The following PHF24 variants were observed in gnomAD, a reference collection of about 807,000 sequenced individuals.
PHF24 encodes the protein Galpha inhibitory interacting protein.
PHF24 carries 25 observed loss-of-function variants against 42.6 expected under a neutral mutation model. That is an observed-to-expected ratio of 0.59 (90% CI 0.43 to 0.82). The LOEUF (loss-of-function observed/expected upper bound fraction) is 0.82. Ranked by LOEUF, PHF24 falls within the 40% of genes least tolerant of loss-of-function variation. The probability of loss-of-function intolerance (pLI) is 0.00; values close to 1 mark genes in which losing one functional copy is unlikely to be tolerated. For missense variants in PHF24, 470 were observed against 538.1 expected (o/e 0.87, Z 1.25); for synonymous variants, 185 against 204.8 (o/e 0.90, Z 0.83).
chr9:34,806,512 G>T, the PHF24 span, among the ~76,000 whole-genome samples: 1 of 152,146 alleles, frequency 6.6e-6, no homozygotes, highest in Admixed American at 6.5e-5. Flanking sequence ...AGGCTGGAGT[G>T]CAGTGGCACG....
At chr9:34,972,953 C>T (rs1827056691) in intron 3 of PHF24, among the ~76,000 whole-genome samples, 1 of 145,706 alleles carries the variant, frequency 6.9e-6, no homozygotes, top group South Asian at 2.3e-4. Flanking sequence ...ATGGTACATA[C>T]AAGAGACCTA....
the PHF24 span, chr9:34,835,383 T>C: frequency 6.5e-7 from 1 of 1,550,370 alleles, no homozygotes; most frequent in Non-Finnish European, 8.7e-7. Context: ...AGCCCCCACC[T>C]CTGGAAATGC....
chr9:34,694,659 A>C, the PHF24 span, among the ~76,000 whole-genome samples: 29 of 151,794 alleles, frequency 1.9e-4, no homozygotes, highest in Middle Eastern at 6.8e-3. Flanking sequence ...AATACAGATG[A>C]GATTTCACCA....
chr9:34,915,675 C>A, the PHF24 span, among the ~76,000 whole-genome samples: 1 of 152,072 alleles, frequency 6.6e-6, no homozygotes. Flanking sequence ...AGGTAAGGAT[C>A]GTCTGGGATA....
chr9:34,687,232 T>C, the PHF24 span, among the ~76,000 whole-genome samples: 1 of 152,200 alleles, frequency 6.6e-6, no homozygotes, highest in South Asian at 2.1e-4. Context: ...GGCACTTCAC[T>C]AGCTCCTAGA....
At chr9:34,913,968 C>A in the PHF24 span, among the ~76,000 whole-genome samples, 1 of 152,114 alleles carries the variant, frequency 6.6e-6, no homozygotes, top group Admixed American at 6.5e-5. Context: ...ATACTTTCAA[C>A]CCCACTTTCA....
chr9:34,678,724 G>A, the PHF24 span, among the ~76,000 whole-genome samples: 231 of 151,994 alleles, frequency 1.5e-3, no homozygotes, highest in African/African-American at 5.2e-3. Context: ...TCCACCTCCC[G>A]GGTTCAGGCA....
chr9:34,699,250 T>G, the PHF24 span, among the ~76,000 whole-genome samples: 11 of 152,370 alleles, frequency 7.2e-5, no homozygotes, highest in East Asian at 2.1e-3. Flanking sequence ...TTCATGGAGA[T>G]GTTCTCTACA....
chr9:34,691,230 G>A, the PHF24 span: 1 of 1,116,184 alleles, frequency 9.0e-7, no homozygotes. Context: ...AGGGCGACTG[G>A]GATGCAGGGG....
At chr9:34,834,800 G>A in the PHF24 span, 16 of 1,542,864 alleles carry the variant, frequency 1.0e-5, no homozygotes, top group African/African-American at 1.5e-5. Context: ...ATGGTCAGAT[G>A]GAGACACCCA....
chr9:34,708,621 C>G, the PHF24 span, among the ~76,000 whole-genome samples: 1 of 152,166 alleles, frequency 6.6e-6, no homozygotes, highest in Non-Finnish European at 1.5e-5. Flanking sequence ...CTTGGAGGGT[C>G]TCATTGAATA....
At chr9:34,780,290 C>CTTTTCTTTTTTTTTTTTTT in the PHF24 span, among the ~76,000 whole-genome samples, 2 of 113,952 alleles carry the variant, frequency 1.8e-5, no homozygotes, top group Admixed American at 1.1e-4. Flanking sequence ...TCTTTTTTTT[C>CTTTTCTTTTTTTTTTTTTT]TTTTTTTCTT....
chr9:34,913,909 T>C, the PHF24 span, among the ~76,000 whole-genome samples: 5 of 152,058 alleles, frequency 3.3e-5, no homozygotes, highest in Admixed American at 2.6e-4. Context: ...GGAGAAGGAG[T>C]GTTAAAAGTT....
At chr9:34,696,081 A>G in the PHF24 span, among the ~76,000 whole-genome samples, 3 of 152,224 alleles carry the variant, frequency 2.0e-5, no homozygotes. Context: ...CTTACTTACT[A>G]TGGTCACAAA....
the PHF24 span, among the ~76,000 whole-genome samples, chr9:34,849,944 G>T: frequency 6.6e-6 from 1 of 152,132 alleles, no homozygotes; most frequent in Non-Finnish European, 1.5e-5. Flanking sequence ...CTCTCTTCTG[G>T]CTTGTAGAGT....
At chr9:34,700,212 G>A in the PHF24 span, among the ~76,000 whole-genome samples, 30 of 152,292 alleles carry the variant, frequency 2.0e-4, no homozygotes, top group South Asian at 2.1e-3. Flanking sequence ...TATATTCCGC[G>A]GAGTGAGATG....
the PHF24 span, among the ~76,000 whole-genome samples, chr9:34,766,880 G>A: frequency 2.6e-5 from 4 of 152,062 alleles, no homozygotes; most frequent in Admixed American, 2.6e-4. Context: ...TGGGTTTTTG[G>A]TGTGGATGTC....
the PHF24 span, chr9:34,922,952 G>A: frequency 7.5e-7 from 1 of 1,338,864 alleles, no homozygotes; most frequent in Non-Finnish European, 1.0e-6. Flanking sequence ...GTCTCACCTT[G>A]TGTCGGCATG....
the PHF24 span, among the ~76,000 whole-genome samples, chr9:34,672,555 C>A: frequency 6.6e-6 from 1 of 152,036 alleles, no homozygotes; most frequent in African/African-American, 2.4e-5. Context: ...CTGGTGAGAT[C>A]CTTCTTGCTG....
Sources: gnomAD v4.1 joint callset for allele counts (sites outside exome capture counted in the v4.1 genomes callset) on GRCh38, gnomAD v4.1.1 for gene constraint, MANE v1.5 for transcripts, NCBI Gene and HGNC (gene_info 2026-07-23, HGNC 2026-07-21) for gene names.